KCNQ5: variants seen among roughly 807,000 people sequenced by gnomAD.
KCNQ5 encodes the protein potassium voltage-gated channel subfamily Q member 5.
Under a neutral mutation model 98.2 loss-of-function variants are expected in KCNQ5, and 30 were observed. That is an observed-to-expected ratio of 0.31 (90% CI 0.23 to 0.41). The LOEUF is 0.41. Ranked by LOEUF, KCNQ5 falls within the 10% of genes least tolerant of loss-of-function variation. The probability of loss-of-function intolerance (pLI) is 1.00; values close to 1 mark genes in which losing one functional copy is unlikely to be tolerated. For synonymous variants in KCNQ5, 458 were observed against 449.4 expected (o/e 1.02, Z -0.24); for missense variants, 835 against 1,182.5 (o/e 0.71, Z 4.31).
At chr6:72,633,455 C>T (rs981350978) in intron 1 of KCNQ5, among the ~76,000 whole-genome samples, 1 of 152,152 alleles carries the variant, frequency 6.6e-6, no homozygotes, top group East Asian at 1.9e-4. Context: ...ATATTGTTAA[C>T]ATGGCCACAC....
At chr6:72,646,556 A>T (rs891583412) in intron 1 of KCNQ5, among the ~76,000 whole-genome samples, 4 of 152,176 alleles carry the variant, frequency 2.6e-5, no homozygotes, top group Non-Finnish European at 4.4e-5. Flanking sequence ...TACATAGTTT[A>T]CTGTTGCATG....
At chr6:72,669,877 G>T (rs1476926739) in intron 1 of KCNQ5, among the ~76,000 whole-genome samples, 1 of 148,828 alleles carries the variant, frequency 6.7e-6, no homozygotes, top group African/African-American at 2.5e-5. Flanking sequence ...ATGCTTAGTT[G>T]CTTAGTGTTC....
intron 5 of KCNQ5, among the ~76,000 whole-genome samples, chr6:73,092,591 A>G (rs1774299975): frequency 6.6e-6 from 1 of 151,956 alleles, no homozygotes; most frequent in African/African-American, 2.4e-5. Flanking sequence ...TCCTTTGTGT[A>G]CCAGTTTTGT....
At chr6:72,816,497 G>T (rs1355368350) in intron 1 of KCNQ5, among the ~76,000 whole-genome samples, 1 of 152,226 alleles carries the variant, frequency 6.6e-6, no homozygotes, top group African/African-American at 2.4e-5. Flanking sequence ...AACTGAAAGA[G>T]AGTTTCCAGT....
intron 7 of KCNQ5, among the ~76,000 whole-genome samples, chr6:73,113,054 T>A (rs1775318192): frequency 6.6e-6 from 1 of 152,088 alleles, no homozygotes; most frequent in Non-Finnish European, 1.5e-5. Context: ...GAGTTTAAGA[T>A]CTGATGCCAA....
At chr6:73,043,496 A>C (rs1191862551) in intron 3 of KCNQ5, among the ~76,000 whole-genome samples, 2 of 152,192 alleles carry the variant, frequency 1.3e-5, no homozygotes, top group Non-Finnish European at 2.9e-5. Context: ...TGAAGGCATT[A>C]GATTTTTCTC....
intron 3 of KCNQ5, among the ~76,000 whole-genome samples, chr6:73,054,119 A>G (rs1450861713): frequency 2.0e-5 from 3 of 152,218 alleles, no homozygotes; most frequent in Non-Finnish European, 4.4e-5. Context: ...TCCTTGAAAC[A>G]TACAACCTTC....
At chr6:72,851,041 A>AGTCTGCTTAGAAG (rs1777232921) in intron 1 of KCNQ5, among the ~76,000 whole-genome samples, 1 of 152,202 alleles carries the variant, frequency 6.6e-6, no homozygotes, top group Admixed American at 6.5e-5. Context: ...GTAGGTTCAC[A>AGTCTGCTTAGAAG]TATAATAAAA....
In KCNQ5 at chr6:72,846,537, G is replaced by A. The variant is rs1777030464; in HGVS notation, c.399-157371G>A. 2.6e-5 allele frequency among the ~76,000 whole-genome samples: 4 copies of A among 151,796 alleles called. No individual in the cohort carries two copies. In the South Asian group the frequency reaches 8.3e-4, roughly 32 times the overall value. On this transcript the variant is annotated intron_variant, in intron 1 of 13. Coordinates refer to ENST00000370398, the MANE Select transcript of KCNQ5 (RefSeq NM_019842.4). The stretch of plus-strand genomic sequence containing the variant: ...GGGGAAAAAAAAAAAAAATAGCCAG[G>A]CAAGGTAGCACATGCCCTGTAGTCC...
At chr6:72,645,876 G>C (rs1765572152) in intron 1 of KCNQ5, among the ~76,000 whole-genome samples, 2 of 152,104 alleles carry the variant, frequency 1.3e-5, no homozygotes, top group African/African-American at 2.4e-5. Flanking sequence ...GTCCTTTAAT[G>C]AAAGAAAAGC....
At chr6:72,767,441 A>C (rs1772634479) in intron 1 of KCNQ5, among the ~76,000 whole-genome samples, 1 of 152,002 alleles carries the variant, frequency 6.6e-6, no homozygotes. Flanking sequence ...AGAATTATTA[A>C]ATATGACACC....
intron 8 of KCNQ5, 108 bp from the exon 9 acceptor site, chr6:73,124,378 G>C (rs954760511): frequency 1.1e-6 from 1 of 911,434 alleles, no homozygotes; most frequent in Middle Eastern, 2.1e-4. Flanking sequence ...CATGAAAAGA[G>C]TTACTTAAGG....
intron 1 of KCNQ5, among the ~76,000 whole-genome samples, chr6:72,696,663 A>T (rs1316770099): frequency 1.3e-5 from 2 of 152,220 alleles, no homozygotes; most frequent in African/African-American, 2.4e-5. Flanking sequence ...TGCTTTAAGA[A>T]AATCTTGCAT....
intron 1 of KCNQ5, among the ~76,000 whole-genome samples, chr6:72,740,951 G>C (rs1771101631): frequency 6.6e-6 from 1 of 152,162 alleles, no homozygotes; most frequent in Non-Finnish European, 1.5e-5. Flanking sequence ...CACTGTGTTT[G>C]CAGTGTAATG....
At chr6:72,960,458 C>T (rs1334311513) in intron 1 of KCNQ5, among the ~76,000 whole-genome samples, 2 of 152,064 alleles carry the variant, frequency 1.3e-5, no homozygotes, top group Non-Finnish European at 2.9e-5. Context: ...GAGATGGAGT[C>T]TCACGCTGTC....
At chr6:72,763,509 T>G (rs139638483) in intron 1 of KCNQ5, among the ~76,000 whole-genome samples, 1 of 152,214 alleles carries the variant, frequency 6.6e-6, no homozygotes, top group African/African-American at 2.4e-5. Context: ...TTACAAGTCA[T>G]GCTTGGTGCC....
rs142465555 is a variant in KCNQ5, at chr6:73,111,873, G to A, written c.1125+470G>A. 1.7e-3 allele frequency among the ~76,000 whole-genome samples: 263 copies of A among 152,260 alleles called. 1 individual carries two copies. The highest frequency in any genetic ancestry group is 5.9e-3 in the African/African-American group (244 of 41,562). On this transcript the variant is annotated intron_variant, in intron 7 of 13. Coordinates refer to ENST00000370398, the MANE Select transcript of KCNQ5 (RefSeq NM_019842.4). ...TAATACCTGTGAAATTGCTTTTAGTGCCATCTAGGGCAGTTAGCGGAAATA... is the reference window on the plus strand; with the variant it reads ...TAATACCTGTGAAATTGCTTTTAGTACCATCTAGGGCAGTTAGCGGAAATA...
At chr6:73,025,351 G>A (rs1442437469) in intron 2 of KCNQ5, among the ~76,000 whole-genome samples, 1 of 152,146 alleles carries the variant, frequency 6.6e-6, no homozygotes, top group African/African-American at 2.4e-5. Context: ...GCCGGGAGAG[G>A]TGGCTCACGC....
chr6:73,157,790 T>G, intron 10 of KCNQ5: 1 of 778,928 alleles, frequency 1.3e-6, no homozygotes. Flanking sequence ...GGATTTGGAG[T>G]TGCCATTAGC....
Sources: allele counts gnomAD v4.1 joint callset (sites outside exome capture counted in the v4.1 genomes callset), GRCh38; gene constraint gnomAD v4.1.1; transcripts MANE v1.5; gene names NCBI Gene and HGNC (gene_info 2026-07-23, HGNC 2026-07-21).